Variants in ADAMTS6 observed in about 807,000 individuals in gnomAD.
The protein encoded by ADAMTS6 is ADAM metallopeptidase with thrombospondin type 1 motif 6.
ADAMTS6 carries 23 observed loss-of-function variants against 144.3 expected under a neutral mutation model. The observed-to-expected ratio is 0.16, with a 90% CI of 0.11 to 0.23. The LOEUF (loss-of-function observed/expected upper bound fraction) is 0.23, where lower values mean the gene tolerates loss of function less well. Ranked by LOEUF, ADAMTS6 falls within the 10% of genes least tolerant of loss-of-function variation. The pLI is 1.00. For missense variants in ADAMTS6, 999 were observed against 1,379.6 expected, an observed-to-expected ratio of 0.72 and a Z score of 4.37; for synonymous variants, 444 against 457.5, an observed-to-expected ratio of 0.97 and a Z score of 0.38.
chr5:65,420,462 A>G (rs1580666828), intron 7 of ADAMTS6, among the ~76,000 whole-genome samples: 1 of 152,044 alleles, frequency 6.6e-6, no homozygotes, highest in African/African-American at 2.4e-5. Flanking sequence ...GCTCACCGCA[A>G]CCTCCGCCCC....
At chr5:65,281,729 ATATATT>A (rs1763002643) in intron 11 of ADAMTS6, among the ~76,000 whole-genome samples, 1 of 152,170 alleles carries the variant, frequency 6.6e-6, no homozygotes, top group East Asian at 1.9e-4. Context: ...GGTAATAAAA[ATATATT>A]TAGAAAACAG....
intron 8 of ADAMTS6, among the ~76,000 whole-genome samples, chr5:65,330,986 TGAGA>T (rs1227384720): frequency 6.6e-6 from 1 of 152,014 alleles, no homozygotes; most frequent in African/African-American, 2.4e-5. Flanking sequence ...CAATCTCCAC[TGAGA>T]GAAAGAGACA....
chr5:65,252,782 G>C (rs1255622431), intron 14 of ADAMTS6, among the ~76,000 whole-genome samples: 2 of 150,888 alleles, frequency 1.3e-5, no homozygotes, highest in Non-Finnish European at 2.9e-5. Flanking sequence ...TATATTACAT[G>C]GGCTATGTAG....
intron 18 of ADAMTS6, among the ~76,000 whole-genome samples, chr5:65,220,592 A>T (rs1045180878): frequency 6.6e-6 from 1 of 152,038 alleles, no homozygotes. Context: ...TAAAATTACA[A>T]AAAAATTAGC....
chr5:65,261,939 C>T (rs1474939813), intron 13 of ADAMTS6, among the ~76,000 whole-genome samples: 1 of 141,366 alleles, frequency 7.1e-6, no homozygotes, highest in African/African-American at 2.7e-5. Context: ...TCTTTTATTT[C>T]AGAATGAGAA....
chr5:65,460,486 C>A (rs1031924560), intron 3 of ADAMTS6, 148 bp from the exon 4 acceptor site: 15 of 673,868 alleles, frequency 2.2e-5, no homozygotes, highest in East Asian at 5.9e-5. Context: ...TATCTGTACT[C>A]AATTAAAACA....
At chr5:65,470,655 T>G in intron 3 of ADAMTS6, 123 bp downstream of exon 3, 1 of 753,318 alleles carries the variant, frequency 1.3e-6, no homozygotes, top group African/African-American at 1.9e-5. Flanking sequence ...AATTTTAAAC[T>G]ATTACCTTCC....
chr5:65,452,062 A>G, intron 6 of ADAMTS6, 71 bp downstream of exon 6: 1 of 1,166,666 alleles, frequency 8.6e-7, no homozygotes, highest in Non-Finnish European at 1.2e-6. Flanking sequence ...ATATTATTTA[A>G]TAATAAGTAA....
chr5:65,174,584 T>C (rs965932214), intron 22 of ADAMTS6, among the ~76,000 whole-genome samples: 1 of 152,186 alleles, frequency 6.6e-6, no homozygotes, highest in Non-Finnish European at 1.5e-5. Flanking sequence ...TCTTTGGAAC[T>C]TGCCCACTCC....
At chr5:65,456,233 CTTG>C (rs1412482743) in intron 4 of ADAMTS6, among the ~76,000 whole-genome samples, 1 of 151,996 alleles carries the variant, frequency 6.6e-6, no homozygotes, top group Non-Finnish European at 1.5e-5. Context: ...ACAAGATTGA[CTTG>C]TTTTGTTTCA....
At chr5:65,158,734 T>C (rs2111981100) in intron 24 of ADAMTS6, among the ~76,000 whole-genome samples, 1 of 152,332 alleles carries the variant, frequency 6.6e-6, no homozygotes, top group Non-Finnish European at 1.5e-5. Context: ...AGATCATGCC[T>C]ATAATGTTTT....
intron 11 of ADAMTS6, among the ~76,000 whole-genome samples, chr5:65,283,188 C>T (rs1055356034): frequency 2.0e-5 from 3 of 152,040 alleles, no homozygotes; most frequent in African/African-American, 4.8e-5. Context: ...CATTTGATCA[C>T]ACAAAGGAAA....
Position 65,343,149 on chromosome 5 carries a change from A to G in ADAMTS6, c.1074-9064T>C, listed in dbSNP as rs566180679. On this transcript the variant is annotated intron_variant, in intron 7 of 24. Transcript: ENST00000381055. ...CAAATCAATGTACGGATTTAATGTAATTCCTTAAAAAATACCAACAACATT... is the reference window on the plus strand; with the variant it reads ...CAAATCAATGTACGGATTTAATGTAGTTCCTTAAAAAATACCAACAACATT... Among the ~76,000 whole-genome samples, 81 of 152,266 alleles carry G rather than the reference A, an allele frequency of 5.3e-4. No individual in the cohort carries two copies. The South Asian group carries it at 9.5e-3, about 18-fold the overall frequency.
At chr5:65,263,062 A>G (rs1761331480) in intron 12 of ADAMTS6, 100 bp from the exon 13 acceptor site, 2 of 1,431,954 alleles carry the variant, frequency 1.4e-6, no homozygotes, top group Admixed American at 1.9e-5. Context: ...TATAGGCATT[A>G]GCATTCTCCC....
chr5:65,480,846 G>A (rs181302058), intron 1 of ADAMTS6, among the ~76,000 whole-genome samples: 71 of 152,156 alleles, frequency 4.7e-4, no homozygotes, highest in African/African-American at 1.6e-3. Context: ...TAGAGCATCG[G>A]GGCTACAGCT....
chr5:65,234,502 G>T (rs1758520601), intron 15 of ADAMTS6, among the ~76,000 whole-genome samples: 1 of 150,618 alleles, frequency 6.6e-6, no homozygotes, highest in Admixed American at 6.6e-5. Flanking sequence ...TACATGAAAA[G>T]GTGTGCAAAA....
intron 14 of ADAMTS6, among the ~76,000 whole-genome samples, chr5:65,244,613 A>G (rs1400451255): frequency 6.6e-6 from 1 of 152,162 alleles, no homozygotes; most frequent in Non-Finnish European, 1.5e-5. Flanking sequence ...TATGTGGCAC[A>G]CTGTTCCGGG....
intron 7 of ADAMTS6, among the ~76,000 whole-genome samples, chr5:65,352,617 A>G (rs1269515757): frequency 6.6e-6 from 1 of 152,144 alleles, no homozygotes; most frequent in African/African-American, 2.4e-5. Flanking sequence ...ATGACTCTAA[A>G]ATAAATTTAA....
chr5:65,393,247 AG>A (rs1173142279), intron 7 of ADAMTS6, among the ~76,000 whole-genome samples: 1 of 152,198 alleles, frequency 6.6e-6, no homozygotes, highest in Non-Finnish European at 1.5e-5. Flanking sequence ...TGCTTAAAAA[AG>A]TGTGTAGGAA....
Sources: allele counts gnomAD v4.1 joint callset (sites outside exome capture counted in the v4.1 genomes callset), GRCh38; gene constraint gnomAD v4.1.1; transcripts MANE v1.5; gene names NCBI Gene and HGNC (gene_info 2026-07-23, HGNC 2026-07-21).